PACS2: variants seen among roughly 807,000 people sequenced by gnomAD.
PACS2 encodes the protein PACS1-like protein.
In PACS2, 36 loss-of-function variants were observed where a neutral mutation model predicts 113.0. The ratio of observed to expected loss-of-function variants is 0.32; its 90% CI spans 0.24 to 0.42. The LOEUF (loss-of-function observed/expected upper bound fraction) is 0.42. Among genes scored for constraint, PACS2 ranks in the 10% least tolerant of loss-of-function variants. The pLI is 1.00. For synonymous variants in PACS2, 589 were observed against 536.1 expected (o/e 1.10, Z -1.36); for missense variants, 1,015 against 1,239.5 (o/e 0.82, Z 2.72).
At position 105,354,941 on chromosome 14, in the gene PACS2, G is replaced by A. The variant is rs1595676810; in HGVS notation, c.298-111G>A. ...CTGTGGGTGCCCTTCCGATCTCATG[G>A]GCAGCAGGTTGGCCTGGTCGCAGGC... is the stretch of plus-strand genomic sequence containing the variant. On this transcript the variant is annotated intron_variant, in intron 3 of 24. Coordinates refer to ENST00000447393, the MANE Select transcript of PACS2 (RefSeq NM_001100913.3). The surrounding 1 kb of genome is among the most constrained non-coding windows in gnomAD (Gnocchi z 4.2). The A allele has an allele frequency of 8.3e-6, 9 of 1,078,482 alleles. No homozygotes were observed. The highest frequency in any genetic ancestry group is 2.6e-5 in the East Asian group (1 of 38,362). The allele number at this position is 1,078,482 out of a possible 1,614,324, so 66.8% of individuals were successfully genotyped here. A position where few individuals can be genotyped will look rare whatever the true frequency, so the allele number is the denominator to read the frequency against.
intron 1 of PACS2, among the ~76,000 whole-genome samples, chr14:105,328,240 G>C (rs921307179): frequency 1.5e-4 from 23 of 152,196 alleles, no homozygotes; most frequent in Non-Finnish European, 2.6e-4. Context: ...CCCAACCCCC[G>C]GAGTGGCCAG....
chr14:105,362,246 G>T (rs587658647), intron 4 of PACS2, among the ~76,000 whole-genome samples: 3 of 148,864 alleles, frequency 2.0e-5, no homozygotes, highest in Non-Finnish European at 3.0e-5. Context: ...GTGAAACACC[G>T]TCTCTACTGA....
intron 1 of PACS2, among the ~76,000 whole-genome samples, chr14:105,319,011 G>T (rs587642515): frequency 6.8e-6 from 1 of 147,316 alleles, no homozygotes; most frequent in South Asian, 2.2e-4. Context: ...GCAGTGGCAC[G>T]ATCTCAGCTC....
chr14:105,354,345 G>A lies in PACS2; in HGVS notation c.298-707G>A, dbSNP rs947688237. ...TCGAACTCCCTACCTCAGGTGATCCGCCCAGCTTGGCCTCCCAAAGTGCCG... is the reference window on the plus strand; with the variant it reads ...TCGAACTCCCTACCTCAGGTGATCCACCCAGCTTGGCCTCCCAAAGTGCCG... On this transcript the variant is annotated intron_variant, in intron 3 of 24. Transcript: ENST00000447393. The surrounding 1 kb of genome is among the most constrained non-coding windows in gnomAD (Gnocchi z 4.2). Among the ~76,000 whole-genome samples, 16 of 151,962 alleles carry A rather than the reference G, an allele frequency of 1.1e-4. No homozygotes were observed. Among genetic ancestry groups the A allele is most frequent in the African/African-American group, 3.4e-4 (14 of 41,342 alleles).
chr14:105,383,664 C>T lies in PACS2; in HGVS notation c.1780+151C>T, dbSNP rs1312206076. On this transcript the variant is annotated intron_variant, in intron 16 of 24. Coordinates refer to ENST00000447393, the MANE Select transcript of PACS2 (RefSeq NM_001100913.3). ...GCGCGGTGTGGCATGGCGTGGTGTC[C>T]CTGCTTGCTACACATTTGTTGTTTT... 1.3e-5 allele frequency: 8 copies of T among 627,968 alleles called. No homozygotes were observed. In the Admixed American group the frequency reaches 2.0e-4, roughly 16 times the overall value. 38.9% of individuals were successfully genotyped at this position (627,968 alleles called of 1,614,324 possible).
intron 1 of PACS2, among the ~76,000 whole-genome samples, chr14:105,341,156 C>G (rs1277831354): frequency 6.6e-6 from 1 of 152,240 alleles, no homozygotes; most frequent in East Asian, 1.9e-4. Flanking sequence ...AAATAGATCC[C>G]AAGTGTAGAG....
intron 4 of PACS2, among the ~76,000 whole-genome samples, chr14:105,361,905 C>T (rs375414237): frequency 1.9e-4 from 29 of 151,974 alleles, no homozygotes; most frequent in Admixed American, 1.2e-3. Context: ...GCCAAGATCA[C>T]GACATTGCAC....
In PACS2 at chr14:105,365,345, C is replaced by T. The variant is rs1472360735; in HGVS notation, c.424-1868C>T. On this transcript the variant is annotated intron_variant, in intron 4 of 24. Transcript: ENST00000447393. This position sits in a 1 kb window ranked among gnomAD's most constrained non-coding sequence, Gnocchi z 5.1. ...GAGAGGAACATGCAGCCTGGAGTGTCGGGGCCTGGGACTTCCAGGGCCTGC... is the reference window on the plus strand; with the variant it reads ...GAGAGGAACATGCAGCCTGGAGTGTTGGGGCCTGGGACTTCCAGGGCCTGC... Among the ~76,000 whole-genome samples, 2 of 152,164 alleles carry T rather than the reference C, an allele frequency of 1.3e-5. No individual in the cohort carries two copies. Among genetic ancestry groups the T allele is most frequent in the African/African-American group, 2.4e-5 (1 of 41,452 alleles).
intron 1 of PACS2, among the ~76,000 whole-genome samples, chr14:105,337,202 A>G (rs587642777): frequency 2.6e-5 from 4 of 152,328 alleles, no homozygotes; most frequent in African/African-American, 9.6e-5. Context: ...GTATGATCCC[A>G]TTTGTGTCAG....
intron 17 of PACS2, 75 bp from the exon 18 acceptor site, chr14:105,384,804 G>A (rs1448229514): frequency 3.1e-6 from 3 of 968,938 alleles, no homozygotes; most frequent in African/African-American, 1.6e-5. Context: ...CGGGGCACCG[G>A]GGAGGCCCAG....
At chr14:105,328,410 G>A (rs2059197352) in intron 1 of PACS2, among the ~76,000 whole-genome samples, 1 of 152,200 alleles carries the variant, frequency 6.6e-6, no homozygotes, top group Non-Finnish European at 1.5e-5. Flanking sequence ...GCTCTCAGGA[G>A]AGGAGGGAGC....
intron 1 of PACS2, among the ~76,000 whole-genome samples, chr14:105,316,861 G>C (rs1298396071): frequency 1.3e-5 from 2 of 150,926 alleles, no homozygotes; most frequent in Non-Finnish European, 2.9e-5. Context: ...TGTTCTGTTG[G>C]TGTGGAGTTA....
In PACS2 at chr14:105,382,585, G is replaced by A; in HGVS notation, c.1518+4G>A. The A allele has an allele frequency of 4.5e-6, 7 of 1,570,608 alleles. No homozygotes were observed. Among genetic ancestry groups the A allele is most frequent in the Non-Finnish European group, 6.1e-6 (7 of 1,141,262 alleles). On this transcript the variant is annotated splice_donor_region_variant and intron_variant, in intron 14 of 24. Transcript: ENST00000447393. ...CACCTCGGACTGGCAGGGGCAGGTA[G>A]AGGGGCAGTCTCTTGGAGTGGAGGG... is the stretch of plus-strand genomic sequence containing the variant.
intron 19 of PACS2, 119 bp from the exon 20 acceptor site, chr14:105,389,842 C>A: frequency 1.1e-6 from 1 of 887,804 alleles, no homozygotes. Flanking sequence ...TCCGGCAGGG[C>A]CATCCGGCAG....
intron 9 of PACS2, among the ~76,000 whole-genome samples, chr14:105,378,229 G>T (rs908865350): frequency 5.3e-5 from 8 of 152,256 alleles, no homozygotes; most frequent in African/African-American, 1.9e-4. Flanking sequence ...CTTAAACTCC[G>T]TGGTGTTGGC....
intron 1 of PACS2, among the ~76,000 whole-genome samples, chr14:105,335,782 C>T (rs1245471871): frequency 2.0e-5 from 3 of 152,234 alleles, no homozygotes; most frequent in Admixed American, 1.3e-4. Flanking sequence ...TAAGGCTGTA[C>T]ATCAGAGAAA....
chr14:105,354,208 G>A lies in PACS2; in HGVS notation c.298-844G>A, dbSNP rs1290064246. Among the ~76,000 whole-genome samples, 1 of 152,144 alleles carries A rather than the reference G, an allele frequency of 6.6e-6. No individual in the cohort carries two copies. Among genetic ancestry groups the A allele is most frequent in the African/African-American group, 2.4e-5 (1 of 41,432 alleles). ...GTTCACAAGCAATCCCAGCTCTTCGGGAGGCTGAGGCAGGAGGATTGCTTG... is the reference window on the plus strand; with the variant it reads ...GTTCACAAGCAATCCCAGCTCTTCGAGAGGCTGAGGCAGGAGGATTGCTTG... On this transcript the variant is annotated intron_variant, in intron 3 of 24. Transcript: ENST00000447393. This position sits in a 1 kb window ranked among gnomAD's most constrained non-coding sequence, Gnocchi z 4.2.
chr14:105,307,671 C>T (rs1163419634), intron 1 of PACS2, among the ~76,000 whole-genome samples: 3 of 152,256 alleles, frequency 2.0e-5, no homozygotes, highest in African/African-American at 7.2e-5. Context: ...CTCACCTTCT[C>T]ACCTGCTGCC....
At chr14:105,304,199 G>C (rs1319571479) in intron 1 of PACS2, among the ~76,000 whole-genome samples, 2 of 152,086 alleles carry the variant, frequency 1.3e-5, no homozygotes, top group African/African-American at 4.8e-5. Context: ...AGGTTTAAAG[G>C]GTGTGGTTTC....
Sources: gnomAD v4.1 joint callset for allele counts (sites outside exome capture counted in the v4.1 genomes callset) on GRCh38, gnomAD v4.1.1 for gene constraint, Gnocchi (gnomAD v3.1) non-coding constraint, MANE v1.5 for transcripts, NCBI Gene and HGNC (gene_info 2026-07-23, HGNC 2026-07-21) for gene names.